The following CRY1 variants were observed in gnomAD, a reference collection of about 807,000 sequenced individuals.
CRY1 encodes the protein cryptochrome circadian regulator 1, also known as cryptochrome-1.
CRY1 carries 45 observed loss-of-function variants against 76.0 expected under a neutral mutation model. That is an observed-to-expected ratio of 0.59 (90% CI 0.47 to 0.76). CRY1 has a LOEUF of 0.76. CRY1 is among the 30% of genes least tolerant of loss of function. The pLI, the probability that CRY1 is intolerant of heterozygous loss-of-function variation, is 0.00. For synonymous variants in CRY1, 248 were observed against 244.0 expected, an observed-to-expected ratio of 1.02 and a Z score of -0.15; for missense variants, 587 against 716.4, an observed-to-expected ratio of 0.82 and a Z score of 2.06.
chr12:107,069,407 T>G (rs1180517217), intron 1 of CRY1, among the ~76,000 whole-genome samples: 1 of 150,756 alleles, frequency 6.6e-6, no homozygotes, highest in African/African-American at 2.4e-5. Flanking sequence ...TGTATAAAAT[T>G]TTTTCAATAA....
At chr12:107,080,674 GAA>G (rs1405345705) in intron 1 of CRY1, among the ~76,000 whole-genome samples, 1 of 151,976 alleles carries the variant, frequency 6.6e-6, no homozygotes, top group Non-Finnish European at 1.5e-5. Context: ...AAGAAAAAAA[GAA>G]AAAAGTCAGG....
intron 1 of CRY1, among the ~76,000 whole-genome samples, chr12:107,031,156 G>T (rs1050220328): frequency 6.6e-6 from 1 of 152,072 alleles, no homozygotes; most frequent in African/African-American, 2.4e-5. Context: ...ATAATTCACC[G>T]GGTTGTCCAA....
At chr12:107,014,879 TTTTG>T (rs1050825931) in intron 2 of CRY1, among the ~76,000 whole-genome samples, 1 of 152,072 alleles carries the variant, frequency 6.6e-6, no homozygotes, top group Non-Finnish European at 1.5e-5. Flanking sequence ...TTTTGTGTGT[TTTTG>T]TTTCTTTTTT....
chr12:107,007,828 T>C (rs1208085562), intron 2 of CRY1, among the ~76,000 whole-genome samples: 3 of 152,160 alleles, frequency 2.0e-5, no homozygotes, highest in African/African-American at 7.2e-5. Context: ...ATGTGCCTAG[T>C]GCAATTTAGC....
intron 1 of CRY1, among the ~76,000 whole-genome samples, chr12:107,040,032 T>A (rs955059547): frequency 5.9e-5 from 9 of 152,100 alleles, no homozygotes; most frequent in African/African-American, 2.2e-4. Flanking sequence ...AAAGAAGCAA[T>A]CCTTCAATAT....
intron 1 of CRY1, among the ~76,000 whole-genome samples, chr12:107,068,045 G>T (rs1429491316): frequency 6.6e-6 from 1 of 152,058 alleles, no homozygotes. Context: ...ATGTAGCAAG[G>T]GGCCAGCCAA....
chr12:107,081,540 T>A (rs1953325104), intron 1 of CRY1, among the ~76,000 whole-genome samples: 1 of 152,026 alleles, frequency 6.6e-6, no homozygotes. Flanking sequence ...TTCCCCCCAC[T>A]GGAATAGGGC....
intron 2 of CRY1, among the ~76,000 whole-genome samples, chr12:107,015,300 G>C (rs1047176123): frequency 1.3e-5 from 2 of 151,190 alleles, no homozygotes; most frequent in African/African-American, 4.9e-5. Context: ...ATGATCTATT[G>C]TGAGTTTTTA....
intron 1 of CRY1, among the ~76,000 whole-genome samples, chr12:107,082,563 T>A (rs1362270263): frequency 6.6e-6 from 1 of 152,082 alleles, no homozygotes; most frequent in East Asian, 1.9e-4. Context: ...CACAACTACA[T>A]GGAAACTGAA....
At chr12:107,072,440 G>A (rs920005265) in intron 1 of CRY1, among the ~76,000 whole-genome samples, 4 of 152,116 alleles carry the variant, frequency 2.6e-5, no homozygotes, top group Non-Finnish European at 4.4e-5. Context: ...CAGGAATCTC[G>A]AAATTGCTAT....
chr12:107,072,353 C>A (rs1188703382), intron 1 of CRY1, among the ~76,000 whole-genome samples: 3 of 152,166 alleles, frequency 2.0e-5, no homozygotes, highest in Non-Finnish European at 4.4e-5. Context: ...ATTACAGAGT[C>A]ACCAGCTACT....
chr12:107,084,973 CAAAA>C (rs200581722), intron 1 of CRY1, among the ~76,000 whole-genome samples: 1 of 101,956 alleles, frequency 9.8e-6, no homozygotes, highest in Non-Finnish European at 2.1e-5. Flanking sequence ...AACAAATTTA[CAAAA>C]AAAAAAAAAC....
intron 1 of CRY1, among the ~76,000 whole-genome samples, chr12:107,025,434 A>G (rs1952596947): frequency 6.6e-6 from 1 of 152,186 alleles, no homozygotes; most frequent in Non-Finnish European, 1.5e-5. Flanking sequence ...TCAATCCTGA[A>G]AAGTCCTATC....
intron 1 of CRY1, among the ~76,000 whole-genome samples, chr12:107,068,708 C>T (rs1953142123): frequency 6.6e-6 from 1 of 152,126 alleles, no homozygotes; most frequent in African/African-American, 2.4e-5. Flanking sequence ...CAAATGAAAA[C>T]CCTGTACTGA....
chr12:107,025,891 A>C (rs1312919563), intron 1 of CRY1, among the ~76,000 whole-genome samples: 1 of 151,280 alleles, frequency 6.6e-6, no homozygotes, highest in Non-Finnish European at 1.5e-5. Flanking sequence ...CTTCTCTTTC[A>C]GCACACATTC....
intron 2 of CRY1, among the ~76,000 whole-genome samples, chr12:107,019,655 G>A (rs1359854937): frequency 6.6e-6 from 1 of 152,098 alleles, no homozygotes. Context: ...CTAGGGCTAG[G>A]TGCTACAGCT....
At chr12:107,077,897 T>C (rs1203467516) in intron 1 of CRY1, among the ~76,000 whole-genome samples, 2 of 152,112 alleles carry the variant, frequency 1.3e-5, no homozygotes, top group Non-Finnish European at 2.9e-5. Context: ...TACACCTACA[T>C]TGAAGTGTTA....
chr12:107,009,707 G>A (rs1254272603), intron 2 of CRY1, among the ~76,000 whole-genome samples: 1 of 150,288 alleles, frequency 6.7e-6, no homozygotes, highest in Non-Finnish European at 1.5e-5. Flanking sequence ...ACAGGAGTTC[G>A]AGCTCAGCCT....
At chr12:107,027,797 A>G (rs1214881560) in intron 1 of CRY1, among the ~76,000 whole-genome samples, 2 of 152,146 alleles carry the variant, frequency 1.3e-5, no homozygotes, top group African/African-American at 2.4e-5. Flanking sequence ...ACAATGACCT[A>G]CTTACCAGTC....
Sources: gnomAD v4.1 joint callset for allele counts (sites outside exome capture counted in the v4.1 genomes callset) on GRCh38, gnomAD v4.1.1 for gene constraint, MANE v1.5 for transcripts, NCBI Gene and HGNC (gene_info 2026-07-23, HGNC 2026-07-21) for gene names.